Variants in OTUD7A observed in about 807,000 individuals in gnomAD.
The protein encoded by OTUD7A is OTU deubiquitinase 7A.
Under a neutral mutation model 65.7 loss-of-function variants are expected in OTUD7A, and 12 were observed. The observed-to-expected ratio is 0.18, with a 90% CI of 0.12 to 0.30. The LOEUF (loss-of-function observed/expected upper bound fraction) is 0.30, where lower values mean the gene tolerates loss of function less well. Among genes scored for constraint, OTUD7A ranks in the 10% least tolerant of loss-of-function variants. OTUD7A has a pLI of 1.00. For synonymous variants in OTUD7A, 641 were observed against 586.3 expected (o/e 1.09, Z -1.35); for missense variants, 1,148 against 1,304.8 (o/e 0.88, Z 1.85).
chr15:31,662,998 A>C (rs1892207917), intron 1 of OTUD7A, among the ~76,000 whole-genome samples: 1 of 151,320 alleles, frequency 6.6e-6, no homozygotes, highest in African/African-American at 2.4e-5. Flanking sequence ...GCAAATTTTC[A>C]GTTTTTTTTA....
chr15:31,583,226 G>A (rs1889425859), intron 3 of OTUD7A, among the ~76,000 whole-genome samples: 1 of 152,222 alleles, frequency 6.6e-6, no homozygotes, highest in South Asian at 2.1e-4. Flanking sequence ...TTCTGGTGCA[G>A]TCTAGTGATA....
chr15:31,771,089 T>A (rs867680713), intron 1 of OTUD7A, among the ~76,000 whole-genome samples: 1 of 152,166 alleles, frequency 6.6e-6, no homozygotes. Flanking sequence ...GGCATACATA[T>A]TGGAAAGAAA....
intron 5 of OTUD7A, among the ~76,000 whole-genome samples, chr15:31,548,166 G>A (rs998961095): frequency 2.7e-5 from 4 of 147,712 alleles, no homozygotes; most frequent in Admixed American, 6.8e-5. Flanking sequence ...GTAAAGCTTG[G>A]GGACTGCCGT....
chr15:31,730,217 T>C (rs1894003247), intron 1 of OTUD7A, among the ~76,000 whole-genome samples: 1 of 152,186 alleles, frequency 6.6e-6, no homozygotes, highest in Non-Finnish European at 1.5e-5. Flanking sequence ...ATTCTTGGAC[T>C]TCCCAGCCTC....
chr15:31,529,380 A>G (rs2042056754), intron 6 of OTUD7A, among the ~76,000 whole-genome samples: 2 of 152,344 alleles, frequency 1.3e-5, no homozygotes, highest in Non-Finnish European at 1.5e-5. Context: ...AAAATGTTGG[A>G]TTCAAGACTG....
chr15:31,712,989 T>C (rs1304459140), intron 1 of OTUD7A, among the ~76,000 whole-genome samples: 1 of 152,242 alleles, frequency 6.6e-6, no homozygotes, highest in Non-Finnish European at 1.5e-5. Flanking sequence ...TCATTTTAGA[T>C]GTGTCATCTG....
At chr15:31,673,556 TG>T (rs1244138356) in intron 1 of OTUD7A, among the ~76,000 whole-genome samples, 1 of 152,218 alleles carries the variant, frequency 6.6e-6, no homozygotes, top group African/African-American at 2.4e-5. Context: ...CGCTTTGCTT[TG>T]AAAGATTTAT....
chr15:31,578,603 G>A (rs1052644886), intron 3 of OTUD7A, among the ~76,000 whole-genome samples: 1 of 151,526 alleles, frequency 6.6e-6, no homozygotes, highest in Non-Finnish European at 1.5e-5. Flanking sequence ...CCAGGCTGGA[G>A]TGCCGTGGTG....
intron 1 of OTUD7A, among the ~76,000 whole-genome samples, chr15:31,689,732 G>T (rs1892919919): frequency 6.6e-6 from 1 of 152,176 alleles, no homozygotes; most frequent in African/African-American, 2.4e-5. Flanking sequence ...GACAGATGAG[G>T]ATCAATGGGA....
Position 31,498,741 on chromosome 15 carries a change from C to T in OTUD7A, c.1171+2949G>A, listed in dbSNP as rs1048021378. ...TCAGGGAGCAAATGACTAATGTCCT[C>T]CCCAGGAGAAAGCAGGTGACCATCA... On this transcript the variant is annotated intron_variant, in intron 10 of 12. Coordinates refer to ENST00000307050, the MANE Select transcript of OTUD7A (RefSeq NM_001382637.1). The surrounding 1 kb of genome is among the most constrained non-coding windows in gnomAD (Gnocchi z 4.2). Among the ~76,000 whole-genome samples the T allele has an allele frequency of 6.6e-6, 1 of 152,168 alleles. No homozygotes were observed. Among genetic ancestry groups the T allele is most frequent in the African/African-American group, 2.4e-5 (1 of 41,428 alleles).
At chr15:31,638,710 T>C (rs1191255068) in intron 3 of OTUD7A, among the ~76,000 whole-genome samples, 1 of 152,122 alleles carries the variant, frequency 6.6e-6, no homozygotes, top group Admixed American at 6.6e-5. Context: ...AATTTCTATA[T>C]GCACTAGAAA....
chr15:31,832,739 T>TC (rs1896965385), intron 1 of OTUD7A, among the ~76,000 whole-genome samples: 1 of 152,242 alleles, frequency 6.6e-6, no homozygotes, highest in Non-Finnish European at 1.5e-5. Context: ...TAGCATAATG[T>TC]CCTTGAGGTT....
chr15:31,743,896 C>T (rs536581264), intron 1 of OTUD7A, among the ~76,000 whole-genome samples: 12 of 151,852 alleles, frequency 7.9e-5, no homozygotes, highest in Admixed American at 5.2e-4. Context: ...AGCAGGAGCT[C>T]GCTTATATCA....
At position 31,487,598 on chromosome 15, in the gene OTUD7A, G is replaced by A; in HGVS notation, c.1172-32C>T. 1.3e-6 allele frequency: 2 copies of A among 1,576,480 alleles called. No individual in the cohort carries two copies. The highest frequency in any genetic ancestry group is 1.7e-6 in the Non-Finnish European group (2 of 1,156,670). ...CAGAAGAGACAGAGCCGTGCTTGGAGCCCCGGCAGTCCCCAGGCAGGATGG... is the reference window on the plus strand; with the variant it reads ...CAGAAGAGACAGAGCCGTGCTTGGAACCCCGGCAGTCCCCAGGCAGGATGG... On this transcript the variant is annotated intron_variant, in intron 10 of 12. Transcript: ENST00000307050. This position sits in a 1 kb window ranked among gnomAD's most constrained non-coding sequence, Gnocchi z 6.0.
At chr15:31,603,949 T>TGCTG (rs1431339504) in intron 3 of OTUD7A, among the ~76,000 whole-genome samples, 9 of 152,258 alleles carry the variant, frequency 5.9e-5, no homozygotes, top group African/African-American at 2.2e-4. Context: ...AAACAACAGA[T>TGCTG]GCTGGAGAGG....
intron 1 of OTUD7A, among the ~76,000 whole-genome samples, chr15:31,817,542 T>G (rs1896581972): frequency 6.6e-6 from 1 of 152,200 alleles, no homozygotes. Context: ...TTTGCTGATC[T>G]TTGAAAAACC....
chr15:31,592,364 T>C (rs1222811072), intron 3 of OTUD7A, among the ~76,000 whole-genome samples: 2 of 150,718 alleles, frequency 1.3e-5, no homozygotes, highest in African/African-American at 2.4e-5. Context: ...TATATCCTTA[T>C]TCTATAATCT....
intron 1 of OTUD7A, among the ~76,000 whole-genome samples, chr15:31,688,300 G>A (rs1044566279): frequency 1.6e-4 from 24 of 151,964 alleles, no homozygotes; most frequent in East Asian, 1.9e-4. Flanking sequence ...CATGAGCCAC[G>A]GTGTGCCCAC....
intron 10 of OTUD7A, among the ~76,000 whole-genome samples, chr15:31,488,142 G>A (rs2041266767): frequency 6.6e-6 from 1 of 152,196 alleles, no homozygotes; most frequent in South Asian, 2.1e-4. Flanking sequence ...GTCAGGTGGT[G>A]ATGAGCCCTG....
Sources: gnomAD v4.1 joint callset for allele counts (sites outside exome capture counted in the v4.1 genomes callset) on GRCh38, gnomAD v4.1.1 for gene constraint, Gnocchi (gnomAD v3.1) non-coding constraint, MANE v1.5 for transcripts, NCBI Gene and HGNC (gene_info 2026-07-23, HGNC 2026-07-21) for gene names.